BICC1: variants seen among roughly 807,000 people sequenced by gnomAD.
The protein encoded by BICC1 is protein bicaudal C homolog 1.
Under a neutral mutation model 111.0 loss-of-function variants are expected in BICC1, and 43 were observed. The ratio of observed to expected loss-of-function variants is 0.39; its 90% CI spans 0.30 to 0.50. BICC1 has a LOEUF of 0.50. Ranked by LOEUF, BICC1 falls within the 20% of genes least tolerant of loss-of-function variation. The probability of loss-of-function intolerance (pLI) is 0.88; values close to 1 mark genes in which losing one functional copy is unlikely to be tolerated. For synonymous variants in BICC1, 467 were observed against 434.4 expected, an observed-to-expected ratio of 1.07 and a Z score of -0.93; for missense variants, 1,091 against 1,203.2, an observed-to-expected ratio of 0.91 and a Z score of 1.38.
chr10:58,524,394 C>T lies in BICC1; in HGVS notation c.190+11061C>T, dbSNP rs1468652664. Reference sequence around the variant, plus strand: ...AGAACAGAGCCCTCAGAAATAATGCCGCATATCTACAACCATCTGATCTTT... The same window carrying T: ...AGAACAGAGCCCTCAGAAATAATGCTGCATATCTACAACCATCTGATCTTT... On this transcript the variant is annotated intron_variant, in intron 1 of 20. Transcript: ENST00000373886. 3.3e-5 allele frequency among the ~76,000 whole-genome samples: 5 copies of T among 151,834 alleles called. No homozygotes were observed. The South Asian group carries it at 6.3e-4, about 19-fold the overall frequency.
chr10:58,661,972 G>A (rs924020672), intron 2 of BICC1, among the ~76,000 whole-genome samples: 3 of 152,060 alleles, frequency 2.0e-5, no homozygotes, highest in Non-Finnish European at 2.9e-5. Context: ...GTCACATTTT[G>A]GAATTTAAAA....
intron 3 of BICC1, among the ~76,000 whole-genome samples, chr10:58,758,728 T>C (rs972577155): frequency 6.6e-6 from 1 of 152,178 alleles, no homozygotes; most frequent in Non-Finnish European, 1.5e-5. Flanking sequence ...ACTTTTTTTA[T>C]TTTTTACTTG....
intron 3 of BICC1, among the ~76,000 whole-genome samples, chr10:58,713,271 C>G (rs1840636174): frequency 6.6e-6 from 1 of 152,200 alleles, no homozygotes; most frequent in South Asian, 2.1e-4. Context: ...CCTCAATCTT[C>G]CTGTTTCCAG....
chr10:58,709,782 T>G (rs1840516057), intron 3 of BICC1, among the ~76,000 whole-genome samples: 1 of 152,228 alleles, frequency 6.6e-6, no homozygotes, highest in Admixed American at 6.5e-5. Context: ...CTAAACCTTC[T>G]TTAGTGGTTC....
chr10:58,792,792 G>A (rs191329053), intron 8 of BICC1, among the ~76,000 whole-genome samples: 1 of 152,246 alleles, frequency 6.6e-6, no homozygotes, highest in Admixed American at 6.5e-5. Flanking sequence ...GATAATAATA[G>A]TAATAAAGTG....
intron 5 of BICC1, 144 bp from the exon 6 acceptor site, chr10:58,788,226 T>G (rs747218993): frequency 6.0e-5 from 35 of 584,008 alleles, no homozygotes; most frequent in Non-Finnish European, 9.6e-5. Flanking sequence ...GGGCCTGAGA[T>G]CCTTTATTTT....
intron 3 of BICC1, among the ~76,000 whole-genome samples, chr10:58,755,920 G>A (rs1365160314): frequency 3.3e-5 from 5 of 152,110 alleles, no homozygotes; most frequent in Admixed American, 6.6e-5. Flanking sequence ...TGTTTTTGCC[G>A]TGAGATAATT....
At position 58,799,146 on chromosome 10, in the gene BICC1, A is replaced by G; in HGVS notation, c.1619A>G (p.His540Arg). Residue 540 changes from histidine to arginine, a missense_variant, in exon 12 of 21, where the codon CAC becomes CGC. His to Arg is a conservative substitution (Grantham distance 29). Transcript: ENST00000373886. The part of the protein sequence containing the change: ...ILLSGVPTYG[H>R]TAPSPPPGLT... ...TTGTCTGGAGTGCCCACCTATGGGCACACAGCTCCATCTCCCCCTCCTGGC... is the reference window on the plus strand; with the variant it reads ...TTGTCTGGAGTGCCCACCTATGGGCGCACAGCTCCATCTCCCCCTCCTGGC... 6.2e-7 allele frequency: 1 copy of G among 1,613,912 alleles called. No individual in the cohort carries two copies. Among genetic ancestry groups the G allele is most frequent in the Non-Finnish European group, 8.5e-7 (1 of 1,179,864 alleles).
chr10:58,811,887 C>T (rs1347116272), intron 17 of BICC1, among the ~76,000 whole-genome samples: 1 of 152,040 alleles, frequency 6.6e-6, no homozygotes, highest in Non-Finnish European at 1.5e-5. Flanking sequence ...GCACGATCAC[C>T]CCAGAGTCAG....
At chr10:58,544,852 G>A (rs1843094587) in intron 1 of BICC1, among the ~76,000 whole-genome samples, 1 of 152,050 alleles carries the variant, frequency 6.6e-6, no homozygotes, top group Non-Finnish European at 1.5e-5. Flanking sequence ...CGGTAATCAA[G>A]TTAAAGCAAG....
intron 2 of BICC1, among the ~76,000 whole-genome samples, chr10:58,667,009 A>AT (rs1468889674): frequency 1.3e-5 from 2 of 152,136 alleles, no homozygotes; most frequent in African/African-American, 4.8e-5. Context: ...TCACTTTTCA[A>AT]TAATGATCTA....
chr10:58,724,381 G>C (rs60563588), intron 3 of BICC1, among the ~76,000 whole-genome samples: 74 of 151,648 alleles, frequency 4.9e-4, no homozygotes, highest in African/African-American at 1.8e-3. Flanking sequence ...CTCTGTGTCT[G>C]TGTGTGTGTG....
At chr10:58,604,517 C>T (rs2132083270) in intron 1 of BICC1, among the ~76,000 whole-genome samples, 1 of 152,062 alleles carries the variant, frequency 6.6e-6, no homozygotes, top group South Asian at 2.1e-4. Context: ...AAAAATTAGC[C>T]AGGAGTGGTG....
At chr10:58,548,746 C>T (rs1004085773) in intron 1 of BICC1, among the ~76,000 whole-genome samples, 1 of 152,078 alleles carries the variant, frequency 6.6e-6, no homozygotes, top group Non-Finnish European at 1.5e-5. Context: ...TTTTCCTTGG[C>T]TCAACATCAT....
chr10:58,659,548 C>T (rs1020445080), intron 2 of BICC1, among the ~76,000 whole-genome samples: 4 of 152,050 alleles, frequency 2.6e-5, no homozygotes, highest in African/African-American at 4.8e-5. Context: ...CACATGGATG[C>T]GGCCTAACTG....
intron 2 of BICC1, among the ~76,000 whole-genome samples, chr10:58,683,263 C>A (rs1420886835): frequency 6.6e-6 from 1 of 152,156 alleles, no homozygotes; most frequent in Non-Finnish European, 1.5e-5. Flanking sequence ...GGTACCAGTA[C>A]CATGCTGTTT....
At chr10:58,745,020 A>G (rs759023623) in intron 3 of BICC1, among the ~76,000 whole-genome samples, 14 of 152,136 alleles carry the variant, frequency 9.2e-5, no homozygotes, top group Admixed American at 3.3e-4. Context: ...TAGATTTTCT[A>G]TCTCCTGTTA....
At chr10:58,653,922 C>A (rs1407059411) in intron 2 of BICC1, among the ~76,000 whole-genome samples, 2 of 150,046 alleles carry the variant, frequency 1.3e-5, no homozygotes, top group South Asian at 2.1e-4. Flanking sequence ...ATGAGTGAGA[C>A]TATGCGGTGT....
chr10:58,578,515 C>T (rs999217030), intron 1 of BICC1, among the ~76,000 whole-genome samples: 3 of 152,124 alleles, frequency 2.0e-5, no homozygotes, highest in Non-Finnish European at 4.4e-5. Context: ...TTTTTTGACT[C>T]TGACTGTTGA....
Sources: allele counts gnomAD v4.1 joint callset (sites outside exome capture counted in the v4.1 genomes callset), GRCh38; gene constraint gnomAD v4.1.1; transcripts MANE v1.5; gene names NCBI Gene and HGNC (gene_info 2026-07-23, HGNC 2026-07-21).